The following S100Z variants were observed in gnomAD, a reference collection of about 807,000 sequenced individuals.
The protein encoded by S100Z is protein S100-Z.
In S100Z, 11 loss-of-function variants were observed where a neutral mutation model predicts 8.5. The observed-to-expected ratio is 1.30, with a 90% CI of 0.82 to 2.15. The LOEUF (loss-of-function observed/expected upper bound fraction) is 2.15. Ranked by LOEUF, S100Z falls within the 30% of genes most tolerant of loss-of-function variation. The probability of loss-of-function intolerance (pLI) is 0.00; values close to 1 mark genes in which losing one functional copy is unlikely to be tolerated. For missense variants in S100Z, 126 were observed against 117.9 expected (o/e 1.07, Z -0.32); for synonymous variants, 34 against 43.8 (o/e 0.78, Z 0.89).
intron 1 of S100Z, among the ~76,000 whole-genome samples, chr5:76,866,347 A>G (rs1339361654): frequency 6.6e-6 from 1 of 152,080 alleles, no homozygotes; most frequent in Non-Finnish European, 1.5e-5. Flanking sequence ...AGCCTCCCCA[A>G]GTGCTAGGAT....
chr5:76,896,971 T>C (rs1744058956), intron 4 of S100Z, among the ~76,000 whole-genome samples: 1 of 152,138 alleles, frequency 6.6e-6, no homozygotes, highest in Non-Finnish European at 1.5e-5. Flanking sequence ...ACTGTAGGTG[T>C]GGGGATTTGT....
chr5:76,932,140 T>G, the S100Z span, among the ~76,000 whole-genome samples: 1 of 151,876 alleles, frequency 6.6e-6, no homozygotes, highest in Non-Finnish European at 1.5e-5. Flanking sequence ...AGCATTTAAA[T>G]TCTTTTTTTT....
chr5:76,884,220 G>A (rs189028786), intron 4 of S100Z, among the ~76,000 whole-genome samples: 26 of 152,300 alleles, frequency 1.7e-4, no homozygotes, highest in African/African-American at 4.3e-4. Context: ...CTGGGCTTTC[G>A]TCTTTACCTC....
intron 4 of S100Z, among the ~76,000 whole-genome samples, chr5:76,894,695 A>G (rs1372943211): frequency 6.6e-6 from 1 of 151,106 alleles, no homozygotes; most frequent in Admixed American, 6.6e-5. Flanking sequence ...TCCCGGGTTC[A>G]AGTGATTCTC....
chr5:76,929,153 C>T, the S100Z span, among the ~76,000 whole-genome samples: 8 of 152,160 alleles, frequency 5.3e-5, no homozygotes, highest in Admixed American at 3.3e-4. Context: ...TACAGCTCCT[C>T]GCTGGACAAT....
At chr5:76,855,616 C>T (rs1366617027) in intron 1 of S100Z, among the ~76,000 whole-genome samples, 1 of 152,128 alleles carries the variant, frequency 6.6e-6, no homozygotes, top group Non-Finnish European at 1.5e-5. Flanking sequence ...ATATCTATAC[C>T]CCCAGTTGTA....
At chr5:76,894,248 T>C (rs753248085) in intron 4 of S100Z, among the ~76,000 whole-genome samples, 2 of 152,224 alleles carry the variant, frequency 1.3e-5, no homozygotes, top group Admixed American at 6.5e-5. Flanking sequence ...ACTCAACCAA[T>C]TGTCAACCAG....
chr5:76,878,051 C>A, intron 4 of S100Z: 1 of 330,814 alleles, frequency 3.0e-6, no homozygotes, highest in Non-Finnish European at 5.5e-6. Flanking sequence ...TTGAAACTTG[C>A]CTGTATTATT....
downstream of S100Z, among the ~76,000 whole-genome samples, chr5:76,925,409 C>T (rs909982007): frequency 2.0e-5 from 3 of 152,136 alleles, no homozygotes; most frequent in Non-Finnish European, 4.4e-5. Context: ...GAAACTTCCT[C>T]CTGGAAACAG....
At chr5:76,862,130 CGTGTGTGT>C (rs3053269) in intron 1 of S100Z, among the ~76,000 whole-genome samples, 1 of 147,036 alleles carries the variant, frequency 6.8e-6, no homozygotes, top group African/African-American at 2.6e-5. Flanking sequence ...AAGGAGTGTG[CGTGTGTGT>C]GTGTGTGTGT....
intron 4 of S100Z, among the ~76,000 whole-genome samples, chr5:76,906,009 T>A (rs1392692248): frequency 2.0e-5 from 3 of 152,094 alleles, no homozygotes; most frequent in Non-Finnish European, 4.4e-5. Context: ...TTTGTCTTTT[T>A]AATAGAGACA....
rs1056442812 is a variant in S100Z, at chr5:76,862,761, C to T, written c.-175-7405C>T. On this transcript the variant is annotated intron_variant, in intron 1 of 4. Coordinates refer to ENST00000317593, the MANE Select transcript of S100Z (RefSeq NM_130772.4). ...AGGTTGCAGTGAGCCGAGATCAAGC[C>T]ACTCCACTCCAGCCTGGGCGACAGA... Among the ~76,000 whole-genome samples the T allele has an allele frequency of 2.0e-5, 3 of 152,210 alleles. No homozygotes were observed. In the East Asian group the frequency reaches 5.8e-4, roughly 29 times the overall value.
At chr5:76,925,012 G>C (rs1394552008), downstream of S100Z, among the ~76,000 whole-genome samples, 1 of 152,114 alleles carries the variant, frequency 6.6e-6, no homozygotes, top group African/African-American at 2.4e-5. Context: ...ACTCTTACAA[G>C]GTTGCTGTTG....
chr5:76,944,803 C>A, the S100Z span, among the ~76,000 whole-genome samples: 1 of 152,204 alleles, frequency 6.6e-6, no homozygotes, highest in Admixed American at 6.5e-5. Context: ...CGTGCCCATG[C>A]GTCACCACTA....
At chr5:76,867,067 GCTT>G (rs970239853) in intron 1 of S100Z, among the ~76,000 whole-genome samples, 2 of 152,256 alleles carry the variant, frequency 1.3e-5, no homozygotes, top group South Asian at 2.1e-4. Flanking sequence ...TTCTAGGAAA[GCTT>G]CTTTCTTTCC....
chr5:76,877,082 C>A (rs1743216975), intron 3 of S100Z, among the ~76,000 whole-genome samples: 2 of 152,228 alleles, frequency 1.3e-5, no homozygotes, highest in Admixed American at 1.3e-4. Context: ...CTATACAATA[C>A]TTGAGACATA....
chr5:76,950,215 T>TA, the S100Z span, among the ~76,000 whole-genome samples: 1 of 152,170 alleles, frequency 6.6e-6, no homozygotes, highest in Admixed American at 6.5e-5. Context: ...ACGTGATAAA[T>TA]AAAAGAAAAA....
chr5:76,877,798 ACT>A lies in S100Z; in HGVS notation c.267_268del (p.Phe90CysfsTer17). ...GCTCTGACAGTTGCTTGTAATGATTACTTTGTAGAACAATTGAAGAAGAAAGG... is the reference window on the plus strand; with the variant it reads ...GCTCTGACAGTTGCTTGTAATGATTATTGTAGAACAATTGAAGAAGAAAGG... On this transcript the variant is annotated frameshift_variant, in exon 4 of 5. Coordinates refer to ENST00000317593, the MANE Select transcript of S100Z (RefSeq NM_130772.4). LOFTEE classifies it high-confidence loss of function. 2.5e-6 allele frequency: 4 copies of A among 1,613,420 alleles called. No individual in the cohort carries two copies. Among genetic ancestry groups the A allele is most frequent in the Non-Finnish European group, 3.4e-6 (4 of 1,179,390 alleles).
chr5:76,878,600 C>T (rs1743284600), intron 4 of S100Z, among the ~76,000 whole-genome samples: 2 of 152,186 alleles, frequency 1.3e-5, no homozygotes, highest in South Asian at 4.1e-4. Flanking sequence ...CTCAGGGTCT[C>T]CCTCTTGGGG....
Sources: allele counts gnomAD v4.1 joint callset (sites outside exome capture counted in the v4.1 genomes callset), GRCh38; gene constraint gnomAD v4.1.1; transcripts MANE v1.5; gene names NCBI Gene and HGNC (gene_info 2026-07-23, HGNC 2026-07-21).